The following KAZN variants were observed in gnomAD, a reference collection of about 807,000 sequenced individuals.
KAZN encodes the protein kazrin, periplakin interacting protein.
A neutral mutation model predicts 87.4 loss-of-function variants in KAZN; 40 were observed. The ratio of observed to expected loss-of-function variants is 0.46; its 90% CI spans 0.36 to 0.60. The LOEUF is 0.60. Among genes scored for constraint, KAZN ranks in the 20% least tolerant of loss-of-function variants. The pLI is 0.00. For missense variants in KAZN, 898 were observed against 1,073.9 expected (o/e 0.84, Z 2.29); for synonymous variants, 466 against 458.3 (o/e 1.02, Z -0.22).
At chr1:15,082,434 C>T (rs977806225) in intron 8 of KAZN, among the ~76,000 whole-genome samples, 1 of 152,106 alleles carries the variant, frequency 6.6e-6, no homozygotes. Context: ...GCTCAGAAGC[C>T]CAGGGCATGG....
At chr1:14,853,186 C>T (rs1392894522) in intron 1 of KAZN, among the ~76,000 whole-genome samples, 1 of 152,174 alleles carries the variant, frequency 6.6e-6, no homozygotes, top group African/African-American at 2.4e-5. Context: ...GTCCCTCCCC[C>T]AGGGATCTGC....
chr1:14,002,424 T>A lies in KAZN; in HGVS notation c.91+108668T>A, dbSNP rs147446804. The stretch of plus-strand genomic sequence containing the variant: ...GTGATAGTGAATAAGTCTCACAAGA[T>A]CTGATGGGTTTATCAGGGGCTTTTG... On this transcript the variant is annotated intron_variant, in intron 1 of 16. Coordinates refer to the KAZN transcript ENST00000636203. 2.8e-3 allele frequency among the ~76,000 whole-genome samples: 432 copies of A among 152,332 alleles called. 3 individuals carry two copies. The highest frequency in any genetic ancestry group is 0.01 in the African/African-American group (421 of 41,586).
intron 2 of KAZN, among the ~76,000 whole-genome samples, chr1:14,469,878 T>C (rs1260753832): frequency 7.0e-6 from 1 of 143,530 alleles, no homozygotes; most frequent in South Asian, 2.1e-4. Flanking sequence ...TTAGCTCTTC[T>C]TTATCGGTAT....
intron 1 of KAZN, among the ~76,000 whole-genome samples, chr1:14,674,219 T>A (rs1640083597): frequency 6.6e-6 from 1 of 152,188 alleles, no homozygotes; most frequent in African/African-American, 2.4e-5. Flanking sequence ...TTTTTTTGTA[T>A]CTAAATTAGG....
At chr1:14,337,621 T>C (rs1219096895) in intron 2 of KAZN, among the ~76,000 whole-genome samples, 1 of 152,094 alleles carries the variant, frequency 6.6e-6, no homozygotes, top group Non-Finnish European at 1.5e-5. Flanking sequence ...CTTGGCTGGG[T>C]GCGGTGGCTC....
At position 14,565,683 on chromosome 1, in the gene KAZN, G is replaced by A. The variant is rs1674510722; in HGVS notation, c.250-33300G>A. 2.0e-5 allele frequency among the ~76,000 whole-genome samples: 3 copies of A among 152,286 alleles called. No individual in the cohort carries two copies. In the South Asian group the frequency reaches 6.2e-4, roughly 32 times the overall value. ...CTGCTGCTTTATCAACTAAGTTTAT[G>A]TAATATTCAAAATTCTTCATTGTCA... On this transcript the variant is annotated intron_variant, in intron 2 of 16. Transcript: ENST00000636203.
At chr1:14,125,496 G>T (rs903542986) in intron 1 of KAZN, among the ~76,000 whole-genome samples, 39 of 152,146 alleles carry the variant, frequency 2.6e-4, no homozygotes, top group Non-Finnish European at 5.9e-5. Flanking sequence ...ACAGAGAGGG[G>T]AAGACAGAGA....
At chr1:14,266,143 G>A (rs904575602) in intron 2 of KAZN, among the ~76,000 whole-genome samples, 2 of 152,168 alleles carry the variant, frequency 1.3e-5, no homozygotes, top group African/African-American at 2.4e-5. Context: ...TGGAGAGAGG[G>A]ATATAATAAA....
At chr1:14,764,384 A>ACCCCCCCCCCCCCCCCCCCCCCCCCC in intron 1 of KAZN, among the ~76,000 whole-genome samples, 1 of 105,154 alleles carries the variant, frequency 9.5e-6, no homozygotes, top group Non-Finnish European at 1.9e-5. Flanking sequence ...CCCCTCCCCC[A>ACCCCCCCCCCCCCCCCCCCCCCCCCC]CACCCCCCCC....
intron 1 of KAZN, among the ~76,000 whole-genome samples, chr1:14,088,226 A>G (rs1397970075): frequency 1.3e-5 from 2 of 151,776 alleles, no homozygotes; most frequent in African/African-American, 4.8e-5. Flanking sequence ...GCGTAAGCTA[A>G]GATCTTTGAT....
chr1:14,229,977 G>A (rs140649372), intron 2 of KAZN, among the ~76,000 whole-genome samples: 2,160 of 152,266 alleles, frequency 0.014, 101 homozygotes, highest in Admixed American at 0.086. Context: ...CCAGACCCAC[G>A]TTCTCCGAGA....
At chr1:14,992,192 TC>T (rs1351756232) in intron 2 of KAZN, among the ~76,000 whole-genome samples, 1 of 152,044 alleles carries the variant, frequency 6.6e-6, no homozygotes, top group Non-Finnish European at 1.5e-5. Context: ...ATCACACATG[TC>T]CCTACCCGTG....
At chr1:14,387,108 C>A (rs1382444179) in intron 2 of KAZN, among the ~76,000 whole-genome samples, 2 of 152,214 alleles carry the variant, frequency 1.3e-5, no homozygotes, top group Non-Finnish European at 2.9e-5. Flanking sequence ...ATCGCATCAG[C>A]TCCTGAGGCT....
chr1:14,573,722 C>A (rs1675009126), intron 2 of KAZN, among the ~76,000 whole-genome samples: 1 of 152,028 alleles, frequency 6.6e-6, no homozygotes, highest in African/African-American at 2.4e-5. Flanking sequence ...TTAAAAGAAA[C>A]AAAGCTAAAA....
In KAZN at chr1:14,289,896, CGTTT is replaced by C. The variant is rs1178389787; in HGVS notation, c.249+109311_249+109314del. On this transcript the variant is annotated intron_variant, in intron 2 of 16. Transcript: ENST00000636203. ...GCCCGGTGGTGACAAAATCTCTCAG[CGTTT>C]GTTTGTAAAGCATTTTATTTCTCCT... Among the ~76,000 whole-genome samples the C allele has an allele frequency of 2.0e-5, 3 of 152,034 alleles. No individual in the cohort carries two copies. In the East Asian group the frequency reaches 5.8e-4, roughly 29 times the overall value.
At chr1:14,114,454 A>G (rs960314112) in intron 1 of KAZN, among the ~76,000 whole-genome samples, 2 of 151,430 alleles carry the variant, frequency 1.3e-5, no homozygotes, top group African/African-American at 4.9e-5. Flanking sequence ...CCAGCCTGGA[A>G]CTCTCTCGAG....
At chr1:14,597,566 T>C (rs145635021), upstream of KAZN, among the ~76,000 whole-genome samples, 818 of 152,186 alleles carry the variant, frequency 5.4e-3, 9 homozygotes, top group African/African-American at 0.017. Context: ...AGAATGCATA[T>C]AAAAGCACTC....
At chr1:14,118,331 C>T (rs1265904697) in intron 1 of KAZN, among the ~76,000 whole-genome samples, 1 of 152,166 alleles carries the variant, frequency 6.6e-6, no homozygotes, top group Non-Finnish European at 1.5e-5. Context: ...ATAGATCAAA[C>T]CCTACCATCA....
chr1:14,446,494 A>C (rs1482313828), intron 2 of KAZN, among the ~76,000 whole-genome samples: 1 of 152,118 alleles, frequency 6.6e-6, no homozygotes, highest in East Asian at 1.9e-4. Context: ...GTCTCAATCT[A>C]TGTGGACTCT....
Sources: gnomAD v4.1 joint callset for allele counts (sites outside exome capture counted in the v4.1 genomes callset) on GRCh38, gnomAD v4.1.1 for gene constraint, MANE v1.5 for transcripts, NCBI Gene and HGNC (gene_info 2026-07-23, HGNC 2026-07-21) for gene names.